Variants in ELF1 observed in about 807,000 individuals in gnomAD.
ELF1 encodes E74 like ETS transcription factor 1.
Under a neutral mutation model 59.9 loss-of-function variants are expected in ELF1, and 24 were observed. That is an observed-to-expected ratio of 0.40 (90% CI 0.29 to 0.56). ELF1 has a LOEUF of 0.56. Ranked by LOEUF, ELF1 falls within the 20% of genes least tolerant of loss-of-function variation. The pLI, the probability that ELF1 is intolerant of heterozygous loss-of-function variation, is 0.44. For missense variants in ELF1, 627 were observed against 742.2 expected (o/e 0.84, Z 1.80); for synonymous variants, 248 against 266.2 (o/e 0.93, Z 0.67).
intron 1 of ELF1, among the ~76,000 whole-genome samples, chr13:41,015,552 G>C (rs1051393917): frequency 4.6e-5 from 7 of 152,078 alleles, no homozygotes; most frequent in African/African-American, 1.7e-4. Flanking sequence ...TGAAAATGTG[G>C]CATATAAGCA....
chr13:41,023,095 C>T (rs1311511981), upstream of ELF1, among the ~76,000 whole-genome samples: 15 of 152,136 alleles, frequency 9.9e-5, no homozygotes, highest in Non-Finnish European at 1.6e-4. Context: ...GAATTGTCAA[C>T]ATGTATATTT....
At chr13:40,971,734 A>G (rs1304976228) in intron 2 of ELF1, among the ~76,000 whole-genome samples, 1 of 152,244 alleles carries the variant, frequency 6.6e-6, no homozygotes, top group Non-Finnish European at 1.5e-5. Context: ...GTGTCATGAC[A>G]ATTGGCTTTC....
intron 1 of ELF1, among the ~76,000 whole-genome samples, chr13:40,988,863 C>T (rs1046962592): frequency 3.3e-5 from 5 of 152,138 alleles, no homozygotes; most frequent in Non-Finnish European, 7.3e-5. Context: ...TGCAGTGGCA[C>T]GATCTCAGCT....
chr13:40,936,774 A>AG (rs1327382163), intron 8 of ELF1, among the ~76,000 whole-genome samples: 1 of 149,208 alleles, frequency 6.7e-6, no homozygotes, highest in Non-Finnish European at 1.5e-5. Context: ...AAAAAAAAAA[A>AG]AAAGAAAAAA....
At chr13:40,959,486 G>T (rs1417548105) in intron 2 of ELF1, among the ~76,000 whole-genome samples, 1 of 151,938 alleles carries the variant, frequency 6.6e-6, no homozygotes, top group Non-Finnish European at 1.5e-5. Flanking sequence ...ACAGAGTGAG[G>T]CTCCTTCTCA....
At chr13:41,058,756 T>C (rs1252208763) in intron 1 of ELF1, among the ~76,000 whole-genome samples, 1 of 152,190 alleles carries the variant, frequency 6.6e-6, no homozygotes, top group Admixed American at 6.5e-5. Flanking sequence ...GTGGATCACC[T>C]GAGGTCAGGG....
At chr13:40,989,438 A>T (rs569642918) in intron 1 of ELF1, among the ~76,000 whole-genome samples, 53 of 152,374 alleles carry the variant, frequency 3.5e-4, no homozygotes, top group African/African-American at 1.2e-3. Flanking sequence ...AAGTTGAGAG[A>T]AAGTTTAAAA....
At chr13:40,990,975 C>G in intron 1 of ELF1, among the ~76,000 whole-genome samples, 1 of 151,918 alleles carries the variant, frequency 6.6e-6, no homozygotes, top group Admixed American at 6.6e-5. Flanking sequence ...ACTGTCACAA[C>G]TAAGAAGAGT....
At chr13:40,958,033 A>C (rs1466749573) in intron 3 of ELF1, among the ~76,000 whole-genome samples, 2 of 152,222 alleles carry the variant, frequency 1.3e-5, no homozygotes, top group Non-Finnish European at 2.9e-5. Flanking sequence ...TTTCTGATAA[A>C]CTTTCTTTTA....
chr13:41,013,072 G>A (rs911997059), intron 1 of ELF1, among the ~76,000 whole-genome samples: 12 of 152,072 alleles, frequency 7.9e-5, no homozygotes, highest in Non-Finnish European at 1.3e-4. Context: ...GTTGTCTACA[G>A]CTTACCCTGA....
intron 1 of ELF1, among the ~76,000 whole-genome samples, chr13:41,012,419 GT>G (rs1424224940): frequency 6.8e-6 from 1 of 146,420 alleles, no homozygotes; most frequent in Non-Finnish European, 1.5e-5. Flanking sequence ...GTTTGTTTTT[GT>G]TTTTCTGTTT....
intron 1 of ELF1, among the ~76,000 whole-genome samples, chr13:41,003,601 T>C (rs1233768145): frequency 6.6e-6 from 1 of 152,058 alleles, no homozygotes; most frequent in African/African-American, 2.4e-5. Flanking sequence ...CTCCAATCAC[T>C]GAGGCACAAA....
At chr13:41,037,519 G>A (rs2138415664) in intron 1 of ELF1, among the ~76,000 whole-genome samples, 1 of 152,186 alleles carries the variant, frequency 6.6e-6, no homozygotes, top group East Asian at 1.9e-4. Context: ...GTTTGAGGCT[G>A]GGCACGGTGG....
intron 1 of ELF1, among the ~76,000 whole-genome samples, chr13:41,055,511 A>G (rs1877251337): frequency 6.6e-6 from 1 of 151,684 alleles, no homozygotes; most frequent in South Asian, 2.1e-4. Flanking sequence ...GAACACTATC[A>G]AACACTTATG....
intron 1 of ELF1, among the ~76,000 whole-genome samples, chr13:41,051,017 T>C (rs1292912970): frequency 2.6e-5 from 4 of 152,206 alleles, no homozygotes; most frequent in Non-Finnish European, 4.4e-5. Flanking sequence ...TCCTAATGAG[T>C]ATCAGGTTGT....
intron 1 of ELF1, among the ~76,000 whole-genome samples, chr13:41,043,155 G>GT (rs1372553860): frequency 5.3e-5 from 8 of 152,168 alleles, no homozygotes; most frequent in Non-Finnish European, 8.8e-5. Context: ...GGGGTTGTTT[G>GT]TTTTTTTCTT....
At chr13:40,979,194 T>C (rs1015818508) in intron 2 of ELF1, among the ~76,000 whole-genome samples, 1 of 133,102 alleles carries the variant, frequency 7.5e-6, no homozygotes, top group African/African-American at 2.9e-5. Context: ...ACAGATATAA[T>C]CACATAAGTG....
At chr13:40,942,481 T>C (rs1870237974) in intron 7 of ELF1, among the ~76,000 whole-genome samples, 1 of 152,204 alleles carries the variant, frequency 6.6e-6, no homozygotes, top group East Asian at 1.9e-4. Flanking sequence ...TATTCTACTA[T>C]AATAACTAAC....
chr13:40,988,333 A>G (rs1873663897), intron 1 of ELF1, among the ~76,000 whole-genome samples: 1 of 152,250 alleles, frequency 6.6e-6, no homozygotes, highest in South Asian at 2.1e-4. Flanking sequence ...ACAGCCAGTT[A>G]GTGGCAAAGA....
Sources: allele counts gnomAD v4.1 joint callset (sites outside exome capture counted in the v4.1 genomes callset), GRCh38; gene constraint gnomAD v4.1.1; transcripts MANE v1.5; gene names NCBI Gene and HGNC (gene_info 2026-07-23, HGNC 2026-07-21).